The following RADX variants were observed in gnomAD, a reference collection of about 807,000 sequenced individuals.
RADX encodes the protein RPA1 related single stranded DNA binding protein, X-linked, also known as RPA-related protein RADX.
A neutral mutation model predicts 61.6 loss-of-function variants in RADX; 36 were observed. The observed-to-expected ratio is 0.58, with a 90% CI of 0.45 to 0.77. The LOEUF (loss-of-function observed/expected upper bound fraction) is 0.77. RADX is among the 30% of genes least tolerant of loss of function. RADX has a pLI of 0.00. For missense variants in RADX, 497 were observed against 651.1 expected (o/e 0.76, Z 2.58); for synonymous variants, 272 against 237.9 (o/e 1.14, Z -1.32).
In RADX at chrX:106,669,230, A is replaced by G; in HGVS notation, c.2337A>G (p.Thr779=). ...LPMYCPEDIR[T]SQIDTLLTSM... The stretch of plus-strand genomic sequence containing the variant: ...TGTATTGTCCAGAAGATATTCGAAC[A>G]TCTCAAATAGACACACTGTTGACCT... The change falls in exon 13 of 14, where the codon ACA becomes ACG. Residue 779 remains threonine, a synonymous_variant. Coordinates refer to ENST00000372548, the MANE Select transcript of RADX (RefSeq NM_018015.6). 8.4e-7 allele frequency: 1 copy of G among 1,194,659 alleles called. No homozygotes were observed. Among genetic ancestry groups the G allele is most frequent in the Non-Finnish European group, 1.1e-6 (1 of 879,903 alleles).
chrX:106,645,152 C>G (rs1359047527), intron 10 of RADX, among the ~76,000 whole-genome samples: 1 of 110,466 alleles, frequency 9.1e-6, no homozygotes, highest in Non-Finnish European at 1.9e-5. Flanking sequence ...TTTGGATCCT[C>G]TCTCTTTTTT....
At chrX:106,654,858 A>T (rs1927898780) in intron 11 of RADX, among the ~76,000 whole-genome samples, 1 of 111,973 alleles carries the variant, frequency 8.9e-6, no homozygotes, top group Non-Finnish European at 1.9e-5. Flanking sequence ...TATCCATCTG[A>T]CAAAAGGCTA....
chrX:106,678,201 T>A lies in RADX; in HGVS notation c.2511T>A (p.Gly837=). The change falls in exon 14 of 14, where the codon GGT becomes GGA. Residue 837 remains glycine (G), a synonymous_variant. Coordinates refer to ENST00000372548, the MANE Select transcript of RADX (RefSeq NM_018015.6). ...GTATCTTGGATATCTGTAATTTGGG[T>A]AATAATAAAGTGGAAGTCTATTTGC... ...IVGILDICNL[G]NNKVEVYLHK... 1 of 1,167,855 alleles carries A rather than the reference T, an allele frequency of 8.6e-7. No homozygotes were observed. The highest frequency in any genetic ancestry group is 1.8e-5 in the South Asian group (1 of 55,820).
intron 11 of RADX, among the ~76,000 whole-genome samples, chrX:106,656,181 C>A (rs1405348115): frequency 4.5e-5 from 5 of 112,169 alleles, no homozygotes; most frequent in Admixed American, 2.8e-4. Context: ...CTCAAAAAAA[C>A]CACCTTTGTT....
At chrX:106,618,946 C>A (rs1227455586) in intron 1 of RADX, among the ~76,000 whole-genome samples, 1 of 111,735 alleles carries the variant, frequency 8.9e-6, no homozygotes, top group Non-Finnish European at 1.9e-5. Context: ...TTTAAGAGAT[C>A]AATTTAATTT....
chrX:106,617,261 G>C (rs1307777024), intron 1 of RADX, among the ~76,000 whole-genome samples: 1 of 109,395 alleles, frequency 9.1e-6, no homozygotes, highest in East Asian at 2.9e-4. Context: ...CCTGACCTCA[G>C]GTGATCCACC....
chrX:106,659,085 A>G (rs2147636400), intron 11 of RADX, among the ~76,000 whole-genome samples: 1 of 110,587 alleles, frequency 9.0e-6, no homozygotes, highest in South Asian at 3.9e-4. Context: ...CTCAGCTACC[A>G]AGTAGATGGA....
intron 3 of RADX, among the ~76,000 whole-genome samples, chrX:106,629,373 G>A (rs1927154963): frequency 9.0e-6 from 1 of 111,730 alleles, no homozygotes; most frequent in Admixed American, 9.5e-5. Flanking sequence ...ACTCATAAAG[G>A]TAAAGTGAAT....
intron 4 of RADX, 82 bp from the exon 5 acceptor site, chrX:106,632,850 G>T: frequency 1.0e-6 from 1 of 961,341 alleles, no homozygotes; most frequent in Non-Finnish European, 1.5e-6. Context: ...CAATTATGTA[G>T]ATATACATTT....
rs182131558 is a variant in RADX, at chrX:106,647,514, G to A, written c.1905-799G>A. Among the ~76,000 whole-genome samples the A allele has an allele frequency of 5.4e-3, 596 of 110,627 alleles. 2 individuals carry two copies. The highest frequency in any genetic ancestry group is 6.8e-3 in the Non-Finnish European group (357 of 52,601). On this transcript the variant is annotated intron_variant, in intron 10 of 13. Coordinates refer to ENST00000372548, the MANE Select transcript of RADX (RefSeq NM_018015.6). ...TTCTTTTGGGTATATACCAAGCAGGGGGGATGCTCGATTATATGGTAGCTC... is the reference window on the plus strand; with the variant it reads ...TTCTTTTGGGTATATACCAAGCAGGAGGGATGCTCGATTATATGGTAGCTC...
chrX:106,669,691 T>C, intron 13 of RADX, among the ~76,000 whole-genome samples: 1 of 111,849 alleles, frequency 8.9e-6, no homozygotes, highest in Non-Finnish European at 1.9e-5. Flanking sequence ...TGCCTGAAAT[T>C]ACAATAACTC....
intron 3 of RADX, among the ~76,000 whole-genome samples, chrX:106,630,891 T>C (rs1222322181): frequency 9.0e-6 from 1 of 111,339 alleles, no homozygotes; most frequent in East Asian, 2.8e-4. Flanking sequence ...CCTGCACATA[T>C]GCCCCTGAAC....
chrX:106,626,047 C>T (rs921484068), intron 3 of RADX, among the ~76,000 whole-genome samples: 1 of 111,229 alleles, frequency 9.0e-6, no homozygotes, highest in Non-Finnish European at 1.9e-5. Context: ...AAGGGCTTTT[C>T]CTAGTTAGTA....
intron 13 of RADX, among the ~76,000 whole-genome samples, chrX:106,676,653 G>A (rs1305149086): frequency 8.9e-6 from 1 of 112,327 alleles, no homozygotes; most frequent in Non-Finnish European, 1.9e-5. Flanking sequence ...GTCAGCTAGT[G>A]TTTTGACAGT....
chrX:106,640,956 G>C (rs1043332283), intron 10 of RADX, among the ~76,000 whole-genome samples: 3 of 110,815 alleles, frequency 2.7e-5, no homozygotes, highest in Non-Finnish European at 5.7e-5. Flanking sequence ...GAGAGAATCT[G>C]TTCAATGCCT....
chrX:106,640,506 A>C (rs761948934), intron 9 of RADX, 46 bp from the exon 10 acceptor site: 13 of 928,524 alleles, frequency 1.4e-5, no homozygotes, highest in Non-Finnish European at 1.7e-5. Flanking sequence ...TGAGATTAAT[A>C]ATTGTGAATT....
At chrX:106,659,260 C>T (rs903016483) in intron 11 of RADX, among the ~76,000 whole-genome samples, 3 of 111,963 alleles carry the variant, frequency 2.7e-5, no homozygotes, top group African/African-American at 6.5e-5. Context: ...GGATTACAGG[C>T]GTGAGCCTGC....
intron 1 of RADX, among the ~76,000 whole-genome samples, chrX:106,616,794 T>C (rs1229951804): frequency 2.7e-5 from 3 of 110,729 alleles, no homozygotes; most frequent in Non-Finnish European, 5.7e-5. Context: ...AAACTAGATG[T>C]TGTGATAACT....
At chrX:106,625,786 A>G (rs1927062522) in intron 3 of RADX, among the ~76,000 whole-genome samples, 1 of 111,178 alleles carries the variant, frequency 9.0e-6, no homozygotes, top group African/African-American at 3.3e-5. Flanking sequence ...ATCTTTACAC[A>G]CACACACACA....
Sources: allele counts gnomAD v4.1 joint callset (sites outside exome capture counted in the v4.1 genomes callset), GRCh38; gene constraint gnomAD v4.1.1; transcripts MANE v1.5; gene names NCBI Gene and HGNC (gene_info 2026-07-23, HGNC 2026-07-21).